The following MBTPS1 variants were observed in gnomAD, a reference collection of about 807,000 sequenced individuals.
MBTPS1 encodes the protein membrane bound transcription factor peptidase, site 1.
In MBTPS1, 94 loss-of-function variants were observed where a neutral mutation model predicts 127.8. The observed-to-expected ratio is 0.74, with a 90% CI of 0.62 to 0.87. MBTPS1 has a LOEUF of 0.87. MBTPS1 is among the 40% of genes least tolerant of loss of function. The pLI is 0.00. For synonymous variants in MBTPS1, 632 were observed against 509.4 expected, an observed-to-expected ratio of 1.24 and a Z score of -3.24; for missense variants, 1,636 against 1,353.2, an observed-to-expected ratio of 1.21 and a Z score of -3.28.
Position 84,070,447 on chromosome 16 carries a change from G to A in MBTPS1, c.1782+141C>T, listed in dbSNP as rs2085753304. The A allele has an allele frequency of 3.7e-6, 3 of 819,912 alleles. No individual in the cohort carries two copies. The Admixed American group carries it at 8.7e-5, about 24-fold the overall frequency. 50.8% of individuals were successfully genotyped at this position (819,912 alleles called of 1,614,324 possible). A position where few individuals can be genotyped will look rare whatever the true frequency, so the allele number is the denominator to read the frequency against. On this transcript the variant is annotated intron_variant, in intron 13 of 22. Transcript: ENST00000343411. ...AACTCCAGCTGCTCCGGAGGCCCTG[G>A]AACCATCAATTGTGGCCATCGAGGA...
chr16:84,107,047 G>A (rs557019164), intron 1 of MBTPS1, among the ~76,000 whole-genome samples: 4 of 152,326 alleles, frequency 2.6e-5, no homozygotes, highest in South Asian at 4.1e-4. Flanking sequence ...AATTTCGGAT[G>A]AGCCTCAGGG....
Position 84,068,373 on chromosome 16 carries a change from C to A in MBTPS1, c.2037G>T (p.Gly679=). 6.2e-7 allele frequency: 1 copy of A among 1,614,184 alleles called. No individual in the cohort carries two copies. The highest frequency in any genetic ancestry group is 8.5e-7 in the Non-Finnish European group (1 of 1,180,030). The change falls in exon 15 of 23, where the codon GGG becomes GGT. Residue 679 remains glycine (G), a synonymous_variant. Transcript: ENST00000343411. ...TGGCATCAAAACACGTGAAGGGGGCCCCGAGGACCTCTACAAAGTAGCCCA... is the reference window on the plus strand; with the variant it reads ...TGGCATCAAAACACGTGAAGGGGGCACCGAGGACCTCTACAAAGTAGCCCA... The part of the protein sequence containing the change: ...RSMGYFVEVL[G]APFTCFDASQ...
At chr16:84,088,089 T>C (rs1473095648) in intron 8 of MBTPS1, among the ~76,000 whole-genome samples, 2 of 151,888 alleles carry the variant, frequency 1.3e-5, no homozygotes, top group South Asian at 4.1e-4. Context: ...GAAATTATAG[T>C]GAAATAAATA....
intron 15 of MBTPS1, 114 bp downstream of exon 15, chr16:84,068,225 G>T: frequency 1.3e-6 from 1 of 752,976 alleles, no homozygotes; most frequent in Non-Finnish European, 2.3e-6. Flanking sequence ...TGGGGCCCAC[G>T]GCGCATACTC....
At chr16:84,097,504 G>C (rs1041034428) in intron 3 of MBTPS1, among the ~76,000 whole-genome samples, 1 of 152,200 alleles carries the variant, frequency 6.6e-6, no homozygotes, top group Non-Finnish European at 1.5e-5. Context: ...CAGGCACCCG[G>C]AACACACGCA....
intron 12 of MBTPS1, among the ~76,000 whole-genome samples, chr16:84,073,690 C>T (rs372628440): frequency 2.6e-5 from 4 of 151,920 alleles, no homozygotes; most frequent in East Asian, 1.9e-4. Context: ...AAAAAAAGAC[C>T]GTATCTTCCA....
chr16:84,112,890 G>A (rs773577461), intron 1 of MBTPS1, among the ~76,000 whole-genome samples: 17 of 148,152 alleles, frequency 1.1e-4, no homozygotes, highest in Admixed American at 2.8e-4. Flanking sequence ...TGGGAGAATC[G>A]CTTGAACCTG....
At position 84,093,221 on chromosome 16, in the gene MBTPS1, T is replaced by C. The variant is rs757712363; in HGVS notation, c.813A>G (p.Glu271=). ...RECQGFAPDA[E]LHIFRVFTNN... ...TGGTAAAGACCCTGAAAATGTGAAG[T>C]TCTGCATCTGGAGCAAATCCTTGGC... Residue 271 remains glutamate (E), a synonymous_variant, in exon 6 of 23, where the codon GAA becomes GAG. Coordinates refer to ENST00000343411, the MANE Select transcript of MBTPS1 (RefSeq NM_003791.4). 2.2e-5 allele frequency: 36 copies of C among 1,613,874 alleles called. 1 individual carries two copies. The South Asian group carries it at 3.7e-4, about 17-fold the overall frequency.
At chr16:84,116,208 A>G (rs965029763) in intron 1 of MBTPS1, among the ~76,000 whole-genome samples, 4 of 152,202 alleles carry the variant, frequency 2.6e-5, no homozygotes, top group African/African-American at 9.6e-5. Flanking sequence ...TAATAAAAAT[A>G]CTGACGATCC....
chr16:84,070,567 C>G lies in MBTPS1; in HGVS notation c.1782+21G>C, dbSNP rs1234668599. The G allele has an allele frequency of 2.5e-6, 4 of 1,607,730 alleles. No individual in the cohort carries two copies. The African/African-American group carries it at 4.0e-5, about 16-fold the overall frequency. On this transcript the variant is annotated intron_variant, in intron 13 of 22. Transcript: ENST00000343411. The stretch of plus-strand genomic sequence containing the variant: ...ATGTCAAACAGCTAAGAAAACAAGC[C>G]ACTTTCCCGCATATCCCTACCTCTG...
In MBTPS1 at chr16:84,070,765, C is replaced by A; in HGVS notation, c.1605G>T (p.Gln535His). Residue 535 changes from glutamine (Q) to histidine (H), a missense_variant, in exon 13 of 23, where the codon CAG becomes CAT. Physicochemically the swap from Gln to His is conservative, Grantham distance 24 (BLOSUM62 0). Transcript: ENST00000343411. ...TGTCTCCGTTCTGTGGCAAATAGGG[C>A]TGCCAGTCAGGCTGCAGGAAAAAGA... ...TGRIVDKPDW[Q>H]PYLPQNGDNI... 1 of 1,607,750 alleles carries A rather than the reference C, an allele frequency of 6.2e-7. No homozygotes were observed. Among genetic ancestry groups the A allele is most frequent in the Non-Finnish European group, 8.5e-7 (1 of 1,176,514 alleles).
chr16:84,070,383 C>A lies in MBTPS1; in HGVS notation c.1782+205G>T, dbSNP rs571528103. Among the ~76,000 whole-genome samples the A allele has an allele frequency of 3.9e-5, 6 of 152,180 alleles. No homozygotes were observed. In the East Asian group the frequency reaches 9.6e-4, roughly 24 times the overall value. ...TCTCTGCTGTTGTGTGGCCACAGAA[C>A]GGCAAGCCCTAGCACTCACTGACTG... On this transcript the variant is annotated intron_variant, in intron 13 of 22. Coordinates refer to ENST00000343411, the MANE Select transcript of MBTPS1 (RefSeq NM_003791.4).
rs771265029 is a variant in MBTPS1, at chr16:84,093,839, G to A, written c.626-18C>T. ...ATTAGCACCTTATTCGGAAAAGAAA[G>A]CAAACACAATTATGTTTGAAGAAAT... On this transcript the variant is annotated intron_variant, in intron 4 of 22. Transcript: ENST00000343411. The A allele has an allele frequency of 6.0e-6, 9 of 1,501,128 alleles. No homozygotes were observed. The highest frequency in any genetic ancestry group is 3.3e-5 in the Admixed American group (2 of 59,822). The allele number at this position is 1,501,128 out of a possible 1,614,324, so 93.0% of individuals were successfully genotyped here.
At chr16:84,065,422 G>T (rs2085667341) in intron 18 of MBTPS1, among the ~76,000 whole-genome samples, 1 of 152,084 alleles carries the variant, frequency 6.6e-6, no homozygotes, top group African/African-American at 2.4e-5. Context: ...AATTTTAAAA[G>T]AAACCAAAAT....
At chr16:84,066,636 A>G in intron 16 of MBTPS1, 23 bp from the exon 17 acceptor site, 1 of 1,612,480 alleles carries the variant, frequency 6.2e-7, no homozygotes, top group East Asian at 2.2e-5. Flanking sequence ...TAACAGACAC[A>G]CAGGGAACAG....
intron 18 of MBTPS1, among the ~76,000 whole-genome samples, chr16:84,065,305 G>C (rs2085665710): frequency 6.6e-6 from 1 of 152,148 alleles, no homozygotes; most frequent in African/African-American, 2.4e-5. Context: ...TTTTAGTAGA[G>C]ACAGGGTTTC....
chr16:84,070,028 C>A lies in MBTPS1; in HGVS notation c.1793G>T (p.Gly598Val), dbSNP rs1364904022. 2 of 1,566,914 alleles carry A rather than the reference C, an allele frequency of 1.3e-6. No homozygotes were observed. The highest frequency in any genetic ancestry group is 2.8e-5 in the African/African-American group (2 of 72,142). ...CTTTACTGTTGAAGTCTGTTCTGCA[C>A]CATTTTTTGACTAAAAAAAAAGAAA... ...ASPAETESKN[G>V]AEQTSTVKLP... Residue 598 changes from glycine (G) to valine (V), a missense_variant, in exon 14 of 23, where the codon GGT (glycine) becomes GTT (valine). By Grantham distance (109) the Gly-to-Val change is moderately radical. Transcript: ENST00000343411.
At chr16:84,092,837 T>C (rs553727869) in intron 6 of MBTPS1, among the ~76,000 whole-genome samples, 1 of 152,302 alleles carries the variant, frequency 6.6e-6, no homozygotes, top group African/African-American at 2.4e-5. Context: ...GCAAGCACAC[T>C]TATTCTATCT....
At chr16:84,058,057 CA>C (rs1180957632) in intron 21 of MBTPS1, 1 of 151,924 alleles carries the variant, frequency 6.6e-6, no homozygotes. Flanking sequence ...AAATAAGATG[CA>C]AAAATGGAAA....
Sources: allele counts gnomAD v4.1 joint callset (sites outside exome capture counted in the v4.1 genomes callset), GRCh38; gene constraint gnomAD v4.1.1; transcripts MANE v1.5; gene names NCBI Gene and HGNC (gene_info 2026-07-23, HGNC 2026-07-21).